The following SLC2A9 variants were observed in gnomAD, a reference collection of about 807,000 sequenced individuals.
The protein encoded by SLC2A9 is solute carrier family 2, facilitated glucose transporter member 9.
SLC2A9 carries 39 observed loss-of-function variants against 50.6 expected under a neutral mutation model. The observed-to-expected ratio is 0.77, with a 90% CI of 0.60 to 1.01. The LOEUF is 1.01. Among genes scored for constraint, SLC2A9 ranks in the 50% least tolerant of loss-of-function variants. SLC2A9 has a pLI of 0.00. For synonymous variants in SLC2A9, 324 were observed against 276.9 expected (o/e 1.17, Z -1.69); for missense variants, 686 against 677.6 (o/e 1.01, Z -0.14).
intron 3 of SLC2A9, among the ~76,000 whole-genome samples, chr4:9,818,203 C>T (rs971695366): frequency 1.3e-5 from 2 of 150,524 alleles, no homozygotes; most frequent in Non-Finnish European, 2.9e-5. Context: ...CCATCTGACA[C>T]GCTGTATGGG....
At chr4:9,817,326 C>T (rs1037013820) in intron 3 of SLC2A9, among the ~76,000 whole-genome samples, 1 of 152,204 alleles carries the variant, frequency 6.6e-6, no homozygotes, top group Non-Finnish European at 1.5e-5. Flanking sequence ...TGATATACTA[C>T]CCATTCATTA....
intron 3 of SLC2A9, chr4:9,783,256 C>G: frequency 1.9e-6 from 3 of 1,614,208 alleles, no homozygotes; most frequent in Non-Finnish European, 2.5e-6. Flanking sequence ...TCGCAGCTGC[C>G]TACATCCACA....
chr4:9,845,020 A>ATT (rs200870252), intron 10 of SLC2A9, among the ~76,000 whole-genome samples: 285 of 147,564 alleles, frequency 1.9e-3, no homozygotes, highest in African/African-American at 7.0e-3. Context: ...AAAAAGTTCA[A>ATT]TTTTTTTTTT....
intron 3 of SLC2A9, among the ~76,000 whole-genome samples, chr4:9,788,688 T>C (rs1719526145): frequency 6.6e-6 from 1 of 152,194 alleles, no homozygotes; most frequent in African/African-American, 2.4e-5. Flanking sequence ...CTCAAATCTC[T>C]CAGTGAGCTG....
chr4:9,787,652 G>C (rs1166704246), intron 3 of SLC2A9, among the ~76,000 whole-genome samples: 2 of 152,194 alleles, frequency 1.3e-5, no homozygotes, highest in Admixed American at 6.5e-5. Flanking sequence ...GTTGCATTTA[G>C]CTGTCCCCTC....
intron 5 of SLC2A9, among the ~76,000 whole-genome samples, chr4:9,949,470 A>C (rs1749805745): frequency 6.6e-6 from 1 of 152,220 alleles, no homozygotes; most frequent in Non-Finnish European, 1.5e-5. Flanking sequence ...TTTCCCACAA[A>C]GTATTATTAT....
At chr4:9,780,857 C>T (rs1718259949) in intron 3 of SLC2A9, among the ~76,000 whole-genome samples, 1 of 152,088 alleles carries the variant, frequency 6.6e-6, no homozygotes, top group Non-Finnish European at 1.5e-5. Flanking sequence ...GCTATTTATC[C>T]ATCCCTCTCA....
intron 3 of SLC2A9, chr4:9,782,650 T>C (rs1391251674): frequency 6.8e-6 from 11 of 1,613,868 alleles, no homozygotes; most frequent in African/African-American, 1.3e-5. Flanking sequence ...AGGAGGACTT[T>C]TGGGAGCCCG....
At chr4:9,976,945 G>A (rs918054209) in intron 5 of SLC2A9, among the ~76,000 whole-genome samples, 3 of 152,178 alleles carry the variant, frequency 2.0e-5, no homozygotes, top group African/African-American at 7.2e-5. Context: ...CTATCTGGCT[G>A]ATGTGCCAGA....
At chr4:9,853,277 C>A (rs182248268) in intron 10 of SLC2A9, among the ~76,000 whole-genome samples, 1 of 151,870 alleles carries the variant, frequency 6.6e-6, no homozygotes, top group Non-Finnish European at 1.5e-5. Flanking sequence ...CAGTGACACC[C>A]GTAGACTCAA....
rs1466172278 is a variant in SLC2A9 at position 9,844,154 on chromosome 4, AAAAAATAATAAT to A, written c.1292-9158_1292-9147del. Among the ~76,000 whole-genome samples, 849 of 94,356 alleles carry A rather than the reference AAAAAATAATAAT, an allele frequency of 9.0e-3. 51 individuals carry two copies. Among genetic ancestry groups the A allele is most frequent in the African/African-American group, 0.042 (786 of 18,646 alleles). 61.9% of individuals were successfully genotyped at this position (94,356 alleles called of 152,430 possible). On this transcript the variant is annotated intron_variant, in intron 10 of 11. Coordinates refer to ENST00000264784, the MANE Select transcript of SLC2A9 (RefSeq NM_020041.3). ...GGTGGAAGAGCCAGATTTAGTAAAA[AAAAAATAATAAT>A]AAAAAAAAAAAAAAGTCCTTCTGAC...
At chr4:9,812,862 T>C (rs562335673) in intron 3 of SLC2A9, among the ~76,000 whole-genome samples, 2 of 152,308 alleles carry the variant, frequency 1.3e-5, no homozygotes, top group South Asian at 4.1e-4. Flanking sequence ...TGCTGTGATT[T>C]AATGAGAGGA....
At chr4:9,929,169 C>T (rs573132707) in intron 6 of SLC2A9, among the ~76,000 whole-genome samples, 10 of 152,222 alleles carry the variant, frequency 6.6e-5, no homozygotes, top group East Asian at 1.9e-4. Context: ...ATTTAATTCT[C>T]GTATAACTAT....
chr4:9,822,250 T>C (rs921337163), downstream of SLC2A9, among the ~76,000 whole-genome samples: 3 of 152,228 alleles, frequency 2.0e-5, no homozygotes, highest in Non-Finnish European at 4.4e-5. Context: ...ATCGATTTTC[T>C]TATCTTGTCC....
At chr4:9,968,111 T>G (rs1753330630) in intron 5 of SLC2A9, among the ~76,000 whole-genome samples, 1 of 152,178 alleles carries the variant, frequency 6.6e-6, no homozygotes, top group African/African-American at 2.4e-5. Context: ...TTGTAAAAAT[T>G]TTCAGCCACT....
At chr4:9,989,293 T>G (rs75137127) in intron 3 of SLC2A9, among the ~76,000 whole-genome samples, 4,218 of 152,294 alleles carry the variant, frequency 0.028, 197 homozygotes, top group African/African-American at 0.097. Context: ...TGTTGTCCTT[T>G]CTCACCTGAA....
chr4:9,973,770 G>A, intron 5 of SLC2A9, among the ~76,000 whole-genome samples: 1 of 150,372 alleles, frequency 6.7e-6, no homozygotes, highest in Non-Finnish European at 1.5e-5. Flanking sequence ...TAAATGACAA[G>A]TTAATGGGTG....
chr4:9,875,173 G>A (rs1425788209), intron 10 of SLC2A9, among the ~76,000 whole-genome samples: 3 of 124,610 alleles, frequency 2.4e-5, no homozygotes, highest in East Asian at 4.7e-4. Flanking sequence ...TTTAGAAATG[G>A]CCATAGGTTA....
intron 1 of SLC2A9, among the ~76,000 whole-genome samples, chr4:9,774,368 G>A (rs1717247995): frequency 6.6e-6 from 1 of 152,164 alleles, no homozygotes. Context: ...CCTTTCACAC[G>A]TAAAGCTTCC....
Sources: gnomAD v4.1 joint callset for allele counts (sites outside exome capture counted in the v4.1 genomes callset) on GRCh38, gnomAD v4.1.1 for gene constraint, MANE v1.5 for transcripts, NCBI Gene and HGNC (gene_info 2026-07-23, HGNC 2026-07-21) for gene names.